Variants in ATP8B1 observed in about 807,000 individuals in gnomAD.
ATP8B1 encodes ATPase phospholipid transporting 8B1.
A neutral mutation model predicts 149.9 loss-of-function variants in ATP8B1; 80 were observed. That is an observed-to-expected ratio of 0.53 (90% CI 0.45 to 0.64). The LOEUF is 0.64. Ranked by LOEUF, ATP8B1 falls within the 30% of genes least tolerant of loss-of-function variation. The pLI, the probability that ATP8B1 is intolerant of heterozygous loss-of-function variation, is 0.00. For synonymous variants in ATP8B1, 536 were observed against 562.8 expected (o/e 0.95, Z 0.67); for missense variants, 1,247 against 1,552.6 (o/e 0.80, Z 3.31).
chr18:57,796,710 CAG>C (rs1226874925), intron 1 of ATP8B1, among the ~76,000 whole-genome samples: 1 of 152,040 alleles, frequency 6.6e-6, no homozygotes, highest in African/African-American at 2.4e-5. Flanking sequence ...GTTTTTGAGA[CAG>C]AGTCTCGCTC....
chr18:57,685,807 T>C (rs1484543317), intron 13 of ATP8B1, among the ~76,000 whole-genome samples: 1 of 152,066 alleles, frequency 6.6e-6, no homozygotes, highest in Non-Finnish European at 1.5e-5. Context: ...GGTTCATACC[T>C]GTAGTCCCAG....
chr18:57,665,110 C>G (rs1362500691), intron 20 of ATP8B1, among the ~76,000 whole-genome samples: 2 of 151,462 alleles, frequency 1.3e-5, no homozygotes, highest in Non-Finnish European at 2.9e-5. Flanking sequence ...GGAAGGCAAA[C>G]TCACTCCCCA....
chr18:57,682,909 G>A lies in ATP8B1; in HGVS notation c.1630+1127C>T, dbSNP rs552248346. On this transcript the variant is annotated intron_variant, in intron 15 of 27. Transcript: ENST00000648908. ...GCTGGAGGGTAATGGTGAGACTATG[G>A]CTCACTGCAGCCTTGACCTCCTGGG... 1.1e-4 allele frequency among the ~76,000 whole-genome samples: 17 copies of A among 152,132 alleles called. 2 individuals are homozygous for A. In the South Asian group the frequency reaches 3.3e-3, roughly 30 times the overall value.
At chr18:57,693,361 C>G (rs1347717427) in intron 11 of ATP8B1, among the ~76,000 whole-genome samples, 1 of 152,144 alleles carries the variant, frequency 6.6e-6, no homozygotes, top group Admixed American at 6.5e-5. Flanking sequence ...GGGCTGGTAT[C>G]TGGTAACTTA....
rs2080391766 is a variant in ATP8B1 at position 57,784,865 on chromosome 18, T to C, written c.-26+18133A>G. ...GGATATTTAGAAGTATCCCTGGCCT[T>C]GACCACTGGACGCTTGTAGCATCCT... is the stretch of plus-strand genomic sequence containing the variant. On this transcript the variant is annotated intron_variant, in intron 1 of 27. Transcript: ENST00000648908. This position sits in a 1 kb window ranked among gnomAD's most constrained non-coding sequence, Gnocchi z 4.4. 6.6e-6 allele frequency among the ~76,000 whole-genome samples: 1 copy of C among 152,176 alleles called. No individual in the cohort carries two copies. The highest frequency in any genetic ancestry group is 2.1e-4 in the South Asian group (1 of 4,828).
chr18:57,652,294 C>T, intron 25 of ATP8B1, 122 bp from the exon 26 acceptor site: 2 of 1,466,164 alleles, frequency 1.4e-6, no homozygotes, highest in East Asian at 4.7e-5. Context: ...AATACTGGAC[C>T]AGAAACTAAA....
Position 57,648,383 on chromosome 18 carries a change from T to A in ATP8B1, c.*105A>T. 7.9e-7 allele frequency: 1 copy of A among 1,266,660 alleles called. No homozygotes were observed. The highest frequency in any genetic ancestry group is 1.1e-6 in the Non-Finnish European group (1 of 875,676). 78.5% of individuals were successfully genotyped at this position (1,266,660 alleles called of 1,614,324 possible). On this transcript the variant is annotated 3_prime_UTR_variant, in exon 28 of 28. Coordinates refer to ENST00000648908, the MANE Select transcript of ATP8B1 (RefSeq NM_001374385.1). The stretch of plus-strand genomic sequence containing the variant: ...TATAAAGATTATTTATTGTCTTCAA[T>A]ATCTTTGTGATGAATGCAATTCACA...
chr18:57,652,209 T>A (rs773145325), intron 25 of ATP8B1, 37 bp from the exon 26 acceptor site: 1 of 1,612,738 alleles, frequency 6.2e-7, no homozygotes, highest in South Asian at 1.1e-5. Context: ...GCACTCATTT[T>A]GGGGAGTTAG....
intron 1 of ATP8B1, chr18:57,735,740 T>C (rs2079844606): frequency 6.6e-6 from 1 of 152,248 alleles, no homozygotes; most frequent in Non-Finnish European, 1.5e-5. Flanking sequence ...TTAAAAGTCA[T>C]CTTTTCCACT....
intron 1 of ATP8B1, among the ~76,000 whole-genome samples, chr18:57,754,274 C>T (rs1365898601): frequency 1.3e-5 from 2 of 151,814 alleles, no homozygotes; most frequent in Non-Finnish European, 2.9e-5. Flanking sequence ...CCCGTCTCTA[C>T]TAAAAATACA....
At chr18:57,790,628 G>A (rs1359826422) in intron 1 of ATP8B1, among the ~76,000 whole-genome samples, 1 of 151,982 alleles carries the variant, frequency 6.6e-6, no homozygotes, top group Non-Finnish European at 1.5e-5. Flanking sequence ...CTCAACTTAA[G>A]TATAACCTCC....
At chr18:57,655,131 C>A in intron 23 of ATP8B1, 63 bp downstream of exon 23, 1 of 1,446,796 alleles carries the variant, frequency 6.9e-7, no homozygotes, top group Non-Finnish European at 9.7e-7. Flanking sequence ...CTTTTCAGAA[C>A]TAGATTTTTA....
chr18:57,708,137 G>A (rs1370877687), intron 2 of ATP8B1, among the ~76,000 whole-genome samples: 6 of 128,502 alleles, frequency 4.7e-5, no homozygotes, highest in Non-Finnish European at 7.8e-5. Context: ...CAGCCTGGGC[G>A]ACAGACGGAA....
intron 1 of ATP8B1, among the ~76,000 whole-genome samples, chr18:57,736,455 T>A (rs1257033713): frequency 5.4e-4 from 2 of 3,694 alleles, no homozygotes; most frequent in African/African-American, 6.7e-4. Flanking sequence ...TTTTACTAGT[T>A]TTTTTTTTTT....
In ATP8B1 at chr18:57,704,643, T is replaced by A. The variant is rs201499091; in HGVS notation, c.305A>T (p.Tyr102Phe). The A allele has an allele frequency of 6.2e-7, 1 of 1,608,100 alleles. No individual in the cohort carries two copies. Among genetic ancestry groups the A allele is most frequent in the Non-Finnish European group, 8.5e-7 (1 of 1,174,608 alleles). ...YANNAIKTYK[Y>F]NAFTFIPMNL... ...CATTGGTATAAAGGTAAATGCGTTG[T>A]ACTTGTATGTTTTAATTGCATTATT... The change falls in exon 4 of 28, where the codon TAC becomes TTC. Residue 102 changes from tyrosine to phenylalanine, a missense_variant. Tyr to Phe is a conservative substitution (Grantham distance 22, BLOSUM62 3). This residue lies in a region of ATP8B1 where 853 missense variants were observed against 1,035.7 expected (regional missense o/e 0.82). Coordinates refer to ENST00000648908, the MANE Select transcript of ATP8B1 (RefSeq NM_001374385.1).
At chr18:57,741,646 T>C (rs1479402044) in intron 1 of ATP8B1, among the ~76,000 whole-genome samples, 1 of 152,212 alleles carries the variant, frequency 6.6e-6, no homozygotes, top group African/African-American at 2.4e-5. Flanking sequence ...AAATGCGTGT[T>C]GGTTTAAGCT....
chr18:57,683,267 A>T lies in ATP8B1; in HGVS notation c.1630+769T>A, dbSNP rs1222698697. ...AAAAGTGGAAGATGTAGTGAAGTGG[A>T]TGAAGTGAGGGAATGAAGTGAAGGC... On this transcript the variant is annotated intron_variant, in intron 15 of 27. Transcript: ENST00000648908. Among the ~76,000 whole-genome samples, 3 of 152,238 alleles carry T rather than the reference A, an allele frequency of 2.0e-5. No individual in the cohort carries two copies. The East Asian group carries it at 5.8e-4, about 29-fold the overall frequency.
intron 2 of ATP8B1, among the ~76,000 whole-genome samples, chr18:57,729,758 T>C (rs1410204206): frequency 6.6e-6 from 1 of 151,796 alleles, no homozygotes; most frequent in African/African-American, 2.4e-5. Context: ...ACCATGTTGG[T>C]CTGGCTGGTC....
intron 16 of ATP8B1, among the ~76,000 whole-genome samples, chr18:57,673,466 C>CAGTATTTAG (rs1461465740): frequency 6.6e-6 from 1 of 151,938 alleles, no homozygotes; most frequent in Non-Finnish European, 1.5e-5. Flanking sequence ...GTATATAGTA[C>CAGTATTTAG]AGTATTTAGG....
Sources: gnomAD v4.1 joint callset for allele counts (sites outside exome capture counted in the v4.1 genomes callset) on GRCh38, gnomAD v4.1.1 for gene constraint, gnomAD v4.1.1 regional missense constraint, Gnocchi (gnomAD v3.1) non-coding constraint, MANE v1.5 for transcripts, NCBI Gene and HGNC (gene_info 2026-07-23, HGNC 2026-07-21) for gene names.